The following AMMECR1 variants were observed in gnomAD, a reference collection of about 807,000 sequenced individuals.
AMMECR1 encodes AMMECR nuclear protein 1, also known as nuclear protein AMMECR1.
Under a neutral mutation model 22.5 loss-of-function variants are expected in AMMECR1, and 3 were observed. The ratio of observed to expected loss-of-function variants is 0.13; its 90% CI spans 0.06 to 0.35. The LOEUF is 0.35. Among genes scored for constraint, AMMECR1 ranks in the 10% least tolerant of loss-of-function variants. The probability of loss-of-function intolerance (pLI) is 1.00; values close to 1 mark genes in which losing one functional copy is unlikely to be tolerated. For missense variants in AMMECR1, 235 were observed against 278.7 expected (o/e 0.84, Z 1.12); for synonymous variants, 130 against 116.7 (o/e 1.11, Z -0.74).
intron 2 of AMMECR1, among the ~76,000 whole-genome samples, chrX:110,354,984 A>G (rs2068225015): frequency 8.9e-6 from 1 of 112,497 alleles, no homozygotes; most frequent in Admixed American, 9.4e-5. Flanking sequence ...AGGCGACAAA[A>G]GCAACATTAG....
At chrX:110,388,945 G>A (rs2068476398) in intron 2 of AMMECR1, among the ~76,000 whole-genome samples, 1 of 112,358 alleles carries the variant, frequency 8.9e-6, no homozygotes, top group South Asian at 3.7e-4. Flanking sequence ...AGTACCAGGG[G>A]TATCATATCT....
intron 2 of AMMECR1, among the ~76,000 whole-genome samples, chrX:110,231,306 C>A (rs1034338602): frequency 1.8e-5 from 2 of 111,379 alleles, no homozygotes; most frequent in Non-Finnish European, 3.8e-5. Context: ...ACAAAGGGAA[C>A]AGCGGATCTC....
At chrX:110,345,617 T>C (rs912621090) in intron 2 of AMMECR1, among the ~76,000 whole-genome samples, 46 of 110,805 alleles carry the variant, frequency 4.2e-4, no homozygotes, top group African/African-American at 1.5e-3. Context: ...AACTACCTAC[T>C]GGGTACTCTG....
intron 2 of AMMECR1, among the ~76,000 whole-genome samples, chrX:110,415,687 T>C (rs1293502393): frequency 9.0e-6 from 1 of 111,116 alleles, no homozygotes; most frequent in Non-Finnish European, 1.9e-5. Flanking sequence ...TTCAAGAATT[T>C]TCCAAGCTCC....
At chrX:110,429,140 T>G (rs1169857017) in intron 1 of AMMECR1, among the ~76,000 whole-genome samples, 2 of 112,414 alleles carry the variant, frequency 1.8e-5, no homozygotes, top group African/African-American at 6.5e-5. Flanking sequence ...CACAGTAGTT[T>G]CTACCACACA....
Position 110,392,439 on chromosome X carries a change from G to T in AMMECR1, c.-148+34219C>A, listed in dbSNP as rs1238778169. ...TTACAGTCATGTGCCGTCATGCCTG[G>T]CTAATTTATTTTATTTTTATTTTTG... On this transcript the variant is annotated intron_variant, in intron 2 of 7. Transcript: ENST00000372057. Among the ~76,000 whole-genome samples, 4 of 110,341 alleles carry T rather than the reference G, an allele frequency of 3.6e-5. No homozygotes were observed. The Admixed American group carries it at 3.9e-4, about 11-fold the overall frequency.
chrX:110,306,655 T>C (rs1049403795), intron 1 of AMMECR1: 7 of 110,674 alleles, frequency 6.3e-5, no homozygotes, highest in Non-Finnish European at 9.5e-5. Context: ...ACGGGGTTTC[T>C]CCATATTGGT....
intron 2 of AMMECR1, among the ~76,000 whole-genome samples, chrX:110,393,423 A>G (rs1213573455): frequency 8.9e-6 from 1 of 111,896 alleles, no homozygotes; most frequent in East Asian, 2.8e-4. Context: ...CAAGGCAGAT[A>G]CTATTATCTT....
At chrX:110,298,844 T>C (rs2067951112) in intron 1 of AMMECR1, among the ~76,000 whole-genome samples, 1 of 111,908 alleles carries the variant, frequency 8.9e-6, no homozygotes, top group African/African-American at 3.2e-5. Context: ...GTTCTATACA[T>C]ATTTTAAAAA....
At chrX:110,273,765 T>G (rs1285705478) in intron 1 of AMMECR1, among the ~76,000 whole-genome samples, 3 of 112,017 alleles carry the variant, frequency 2.7e-5, no homozygotes, top group African/African-American at 9.7e-5. Context: ...TCTTCTCTAC[T>G]TTGTTGAAGA....
intron 2 of AMMECR1, among the ~76,000 whole-genome samples, chrX:110,229,683 G>A (rs2067552113): frequency 8.9e-6 from 1 of 112,022 alleles, no homozygotes; most frequent in Non-Finnish European, 1.9e-5. Context: ...CACGGAGGGC[G>A]AGCTGAAGCA....
intron 1 of AMMECR1, among the ~76,000 whole-genome samples, chrX:110,436,823 C>A (rs373675331): frequency 1.8e-5 from 2 of 112,090 alleles, no homozygotes; most frequent in East Asian, 2.8e-4. Context: ...TATGGGCCAG[C>A]AGCCTGAGGA....
At chrX:110,439,847 C>A (rs952813185) in intron 1 of AMMECR1, 1 of 111,039 alleles carries the variant, frequency 9.0e-6, no homozygotes. Flanking sequence ...TCCTCTCCCC[C>A]TCCCCAAAAG....
At chrX:110,397,858 C>T (rs1200888486) in intron 2 of AMMECR1, among the ~76,000 whole-genome samples, 1 of 111,740 alleles carries the variant, frequency 8.9e-6, no homozygotes, top group East Asian at 2.8e-4. Context: ...CTGCCACCCC[C>T]AACTAACTTA....
chrX:110,223,259 T>C (rs1411867159), intron 2 of AMMECR1, among the ~76,000 whole-genome samples: 1 of 112,714 alleles, frequency 8.9e-6, no homozygotes, highest in Admixed American at 9.4e-5. Flanking sequence ...GTTTCTAGAT[T>C]TACTCTATCT....
At chrX:110,237,817 A>G (rs2067609532) in intron 2 of AMMECR1, among the ~76,000 whole-genome samples, 1 of 112,241 alleles carries the variant, frequency 8.9e-6, no homozygotes, top group Non-Finnish European at 1.9e-5. Flanking sequence ...ATAATTATCA[A>G]TGATGGAAAA....
intron 2 of AMMECR1, among the ~76,000 whole-genome samples, chrX:110,324,443 A>AT (rs200102829): frequency 1.1e-4 from 12 of 109,557 alleles, no homozygotes; most frequent in African/African-American, 1.3e-4. Flanking sequence ...ATCTGGATGT[A>AT]TTTTTTTTTC....
intron 2 of AMMECR1, among the ~76,000 whole-genome samples, chrX:110,331,636 G>A (rs964837835): frequency 1.8e-5 from 2 of 111,231 alleles, no homozygotes; most frequent in African/African-American, 3.3e-5. Context: ...TGGCACCTCC[G>A]TCAGAAGGAA....
At chrX:110,222,039 G>A (rs1014221218) in intron 2 of AMMECR1, among the ~76,000 whole-genome samples, 20 of 110,439 alleles carry the variant, frequency 1.8e-4, no homozygotes, top group African/African-American at 5.9e-4. Flanking sequence ...TCGGTGTGGC[G>A]ATTCCTCGGG....
Sources: gnomAD v4.1 joint callset for allele counts (sites outside exome capture counted in the v4.1 genomes callset) on GRCh38, gnomAD v4.1.1 for gene constraint, MANE v1.5 for transcripts, NCBI Gene and HGNC (gene_info 2026-07-23, HGNC 2026-07-21) for gene names.